Variants in MTA3 observed in about 807,000 individuals in gnomAD.
MTA3 encodes metastasis associated 1 family member 3, also known as metastasis-associated protein MTA3.
Under a neutral mutation model 83.5 loss-of-function variants are expected in MTA3, and 34 were observed. The observed-to-expected ratio is 0.41, with a 90% CI of 0.31 to 0.54. MTA3 has a LOEUF of 0.54. Ranked by LOEUF, MTA3 falls within the 20% of genes least tolerant of loss-of-function variation. The pLI is 0.33. For missense variants in MTA3, 761 were observed against 726.4 expected, an observed-to-expected ratio of 1.05 and a Z score of -0.55; for synonymous variants, 303 against 252.7, an observed-to-expected ratio of 1.20 and a Z score of -1.89.
At chr2:42,708,394 C>T (rs1301268035) in intron 13 of MTA3, among the ~76,000 whole-genome samples, 2 of 152,140 alleles carry the variant, frequency 1.3e-5, no homozygotes, top group Admixed American at 1.3e-4. Flanking sequence ...GTCATAAATG[C>T]AAATTAAGCA....
At chr2:42,667,446 GTC>G (rs1405889286) in intron 8 of MTA3, among the ~76,000 whole-genome samples, 4 of 151,826 alleles carry the variant, frequency 2.6e-5, no homozygotes, top group Non-Finnish European at 2.9e-5. Flanking sequence ...TTCTACTTTT[GTC>G]TCTATGAATT....
chr2:42,535,476 C>T (rs889336155), intron 2 of MTA3, among the ~76,000 whole-genome samples: 2 of 152,048 alleles, frequency 1.3e-5, no homozygotes, highest in African/African-American at 2.4e-5. Flanking sequence ...ATCTTGAACT[C>T]TTGGCCTCCC....
At chr2:42,546,799 C>T (rs535919404) in intron 2 of MTA3, among the ~76,000 whole-genome samples, 1 of 152,130 alleles carries the variant, frequency 6.6e-6, no homozygotes, top group African/African-American at 2.4e-5. Context: ...CAGAAGGGGT[C>T]TCTATTCTCA....
At chr2:42,708,216 A>C (rs1666267191) in intron 13 of MTA3, among the ~76,000 whole-genome samples, 162 bp downstream of exon 13, 1 of 152,258 alleles carries the variant, frequency 6.6e-6, no homozygotes, top group Non-Finnish European at 1.5e-5. Flanking sequence ...AGAGAAGCAG[A>C]GAGAAATTAA....
intron 6 of MTA3, among the ~76,000 whole-genome samples, chr2:42,650,525 C>T (rs775183514): frequency 3.3e-5 from 5 of 151,852 alleles, no homozygotes; most frequent in East Asian, 1.9e-4. Context: ...CTGCAAGCTC[C>T]GCCTCCCGGG....
intron 2 of MTA3, among the ~76,000 whole-genome samples, chr2:42,577,244 C>T (rs1277340043): frequency 6.6e-6 from 1 of 150,942 alleles, no homozygotes; most frequent in East Asian, 1.9e-4. Context: ...CCATGAGTAA[C>T]CATGCTTCAG....
chr2:42,686,641 A>G (rs968350495), intron 9 of MTA3, among the ~76,000 whole-genome samples: 1 of 152,174 alleles, frequency 6.6e-6, no homozygotes, highest in Non-Finnish European at 1.5e-5. Context: ...CCTGGCCAAC[A>G]TGGTGAAACC....
At chr2:42,697,701 T>G in intron 10 of MTA3, 75 bp from the exon 11 acceptor site, 2 of 1,047,874 alleles carry the variant, frequency 1.9e-6, no homozygotes, top group South Asian at 1.7e-5. Flanking sequence ...TATTTTCTTG[T>G]GAATTTTTAA....
In MTA3 at chr2:42,666,536, C is replaced by G. The variant is rs140735538; in HGVS notation, c.702+6674C>G. Among the ~76,000 whole-genome samples the G allele has an allele frequency of 2.6e-3, 395 of 152,310 alleles. 1 individual carries two copies. The highest frequency in any genetic ancestry group is 0.014 in the Middle Eastern group (4 of 294). ...CCACAGGACTTGCATGTTCAGGTCC[C>G]TTTCCCTGATGCTCTCATAGCCCCA... On this transcript the variant is annotated intron_variant, in intron 8 of 16. Transcript: ENST00000405094.
At chr2:42,621,743 G>A (rs562136343) in intron 4 of MTA3, among the ~76,000 whole-genome samples, 3 of 151,608 alleles carry the variant, frequency 2.0e-5, no homozygotes, top group East Asian at 2.0e-4. Context: ...CAGACGGGGC[G>A]GCTGCCGGGC....
At chr2:42,644,694 C>T (rs894941918) in intron 6 of MTA3, among the ~76,000 whole-genome samples, 1 of 152,142 alleles carries the variant, frequency 6.6e-6, no homozygotes, top group African/African-American at 2.4e-5. Flanking sequence ...TTTGGTAATT[C>T]TTGAAACATT....
chr2:42,543,901 G>A (rs1288142204), intron 2 of MTA3, among the ~76,000 whole-genome samples: 1 of 151,514 alleles, frequency 6.6e-6, no homozygotes, highest in Admixed American at 6.6e-5. Context: ...ATATTGCCTA[G>A]GCTTGTCTCA....
intron 12 of MTA3, among the ~76,000 whole-genome samples, chr2:42,704,852 TG>T (rs1289369847): frequency 6.6e-6 from 1 of 152,222 alleles, no homozygotes; most frequent in Non-Finnish European, 1.5e-5. Context: ...GTATTTTATT[TG>T]CCCAGGGTGT....
intron 2 of MTA3, among the ~76,000 whole-genome samples, chr2:42,572,977 C>G (rs1286009993): frequency 6.6e-6 from 1 of 152,154 alleles, no homozygotes; most frequent in Non-Finnish European, 1.5e-5. Context: ...ATCCACCCGC[C>G]CCAGCCTCCC....
intron 3 of MTA3, among the ~76,000 whole-genome samples, chr2:42,604,793 G>C (rs1358089604): frequency 1.1e-4 from 16 of 148,552 alleles, no homozygotes; most frequent in Admixed American, 2.0e-4. Context: ...CTCTTAACGA[G>C]CATGCTGCCT....
Position 42,754,777 on chromosome 2 carries a change from A to C in MTA3, c.*1378A>C. On this transcript the variant is annotated 3_prime_UTR_variant, in exon 17 of 17. Transcript: ENST00000405094. ...ACAGAGTGGCTACAATTGAATTGACACCCTGGGAAGCACGAGGTAACTTGG... is the reference window on the plus strand; with the variant it reads ...ACAGAGTGGCTACAATTGAATTGACCCCCTGGGAAGCACGAGGTAACTTGG... The C allele has an allele frequency of 1.0e-6, 1 of 985,362 alleles. No homozygotes were observed. The highest frequency in any genetic ancestry group is 1.1e-4 in the East Asian group (1 of 8,808). 61.0% of individuals were successfully genotyped at this position (985,362 alleles called of 1,614,324 possible).
chr2:42,602,037 TGCCATGTTG>T (rs1008372950), intron 3 of MTA3, among the ~76,000 whole-genome samples: 2 of 152,158 alleles, frequency 1.3e-5, no homozygotes, highest in African/African-American at 4.8e-5. Flanking sequence ...GCGGGGGTCT[TGCCATGTTG>T]GCCAGGCTGG....
intron 4 of MTA3, among the ~76,000 whole-genome samples, chr2:42,626,751 T>A (rs1049769012): frequency 6.6e-6 from 1 of 151,656 alleles, no homozygotes; most frequent in Non-Finnish European, 1.5e-5. Context: ...TTAAATTTAA[T>A]TTTTTTTTAG....
chr2:42,598,730 A>G (rs12994751), intron 3 of MTA3, among the ~76,000 whole-genome samples: 109,647 of 152,076 alleles, frequency 0.72, 39,704 homozygotes, highest in South Asian at 0.88. Context: ...GGACTCATTA[A>G]TACTTTCTAC....
Sources: gnomAD v4.1 joint callset for allele counts (sites outside exome capture counted in the v4.1 genomes callset) on GRCh38, gnomAD v4.1.1 for gene constraint, MANE v1.5 for transcripts, NCBI Gene and HGNC (gene_info 2026-07-23, HGNC 2026-07-21) for gene names.